Variants in CSMD1 observed in about 807,000 individuals in gnomAD.
CSMD1 encodes CUB and sushi domain-containing protein 1.
CSMD1 carries 213 observed loss-of-function variants against 417.5 expected under a neutral mutation model. The ratio of observed to expected loss-of-function variants is 0.51; its 90% CI spans 0.46 to 0.57. The LOEUF is 0.57. Among genes scored for constraint, CSMD1 ranks in the 20% least tolerant of loss-of-function variants. CSMD1 has a pLI of 0.00. For synonymous variants in CSMD1, 2,862 were observed against 1,736.8 expected (o/e 1.65, Z -16.11); for missense variants, 6,923 against 4,529.7 (o/e 1.53, Z -15.17).
chr8:3,850,064 G>C (rs1470507577), intron 5 of CSMD1, among the ~76,000 whole-genome samples: 3 of 152,150 alleles, frequency 2.0e-5, no homozygotes, highest in Non-Finnish European at 2.9e-5. Context: ...TCAAAGTGTT[G>C]GGATTACAGG....
Position 3,718,116 on chromosome 8 carries a change from G to A in CSMD1, c.932-9625C>T, listed in dbSNP as rs147509381. ...TTTTTATTAACATTTAAAATAATGC[G>A]CTATTGGATCATTCTTTGGGATAAA... On this transcript the variant is annotated intron_variant, in intron 6 of 69. Transcript: ENST00000635120. 2.3e-3 allele frequency among the ~76,000 whole-genome samples: 356 copies of A among 152,268 alleles called. 2 individuals are homozygous for A. Among genetic ancestry groups the A allele is most frequent in the African/African-American group, 7.9e-3 (330 of 41,552 alleles).
At chr8:4,073,806 T>C (rs976556280) in intron 3 of CSMD1, among the ~76,000 whole-genome samples, 4 of 152,144 alleles carry the variant, frequency 2.6e-5, no homozygotes, top group African/African-American at 4.8e-5. Context: ...ATTTACCTCA[T>C]TATTAATTGG....
Position 4,134,816 on chromosome 8 carries a change from T to A in CSMD1, c.416-102717A>T, listed in dbSNP as rs146771381. 1.6e-3 allele frequency among the ~76,000 whole-genome samples: 239 copies of A among 152,326 alleles called. 3 individuals are homozygous for A. The highest frequency in any genetic ancestry group is 5.6e-3 in the African/African-American group (231 of 41,584). On this transcript the variant is annotated intron_variant, in intron 3 of 69. Transcript: ENST00000635120. ...GAGTGATTTATTTTAACACAAATTT[T>A]GTCCTTGGCCTTGGCTGTTGAAAAT...
At chr8:4,905,341 A>G (rs1585300454) in intron 1 of CSMD1, among the ~76,000 whole-genome samples, 1 of 151,840 alleles carries the variant, frequency 6.6e-6, no homozygotes, top group Non-Finnish European at 1.5e-5. Context: ...AAAGGCTACC[A>G]TTTCTTCTCA....
intron 2 of CSMD1, among the ~76,000 whole-genome samples, chr8:4,484,612 C>T (rs571575279): frequency 6.6e-6 from 1 of 152,042 alleles, no homozygotes; most frequent in Admixed American, 6.6e-5. Context: ...CTGACGTGAC[C>T]TGCTCTATGA....
At chr8:3,385,025 A>AATATATAAATATATAATATATAAAT (rs201974137) in intron 18 of CSMD1, among the ~76,000 whole-genome samples, 2 of 113,038 alleles carry the variant, frequency 1.8e-5, no homozygotes, top group East Asian at 4.7e-4. Context: ...ATAATATATA[A>AATATATAAATATATAATATATAAAT]ATATAATATA....
At chr8:3,620,651 T>C (rs184449745) in intron 7 of CSMD1, among the ~76,000 whole-genome samples, 4 of 151,998 alleles carry the variant, frequency 2.6e-5, no homozygotes, top group African/African-American at 9.7e-5. Context: ...AAAGAAAGTA[T>C]CTATAGAATA....
At chr8:3,845,800 T>C (rs1013940392) in intron 5 of CSMD1, among the ~76,000 whole-genome samples, 1 of 152,194 alleles carries the variant, frequency 6.6e-6, no homozygotes, top group African/African-American at 2.4e-5. Context: ...TATTTCTTTA[T>C]ATTTTTATTC....
At chr8:4,548,094 C>T (rs1019808274) in intron 2 of CSMD1, among the ~76,000 whole-genome samples, 3 of 152,100 alleles carry the variant, frequency 2.0e-5, no homozygotes, top group Admixed American at 6.6e-5. Flanking sequence ...GGAATTACAG[C>T]TTGTTCTCAT....
rs544825076 is a variant in CSMD1 at position 3,487,263 on chromosome 8, G to A, written c.1448+6360C>T. Reference sequence around the variant, plus strand: ...GTCTCCCAGGCTGGAGTGCAGTGGCGCGATCTTGGCTCTCTGCAAGCTCCA... The same window carrying A: ...GTCTCCCAGGCTGGAGTGCAGTGGCACGATCTTGGCTCTCTGCAAGCTCCA... On this transcript the variant is annotated intron_variant, in intron 11 of 69. Coordinates refer to ENST00000635120, the MANE Select transcript of CSMD1 (RefSeq NM_033225.6). Among the ~76,000 whole-genome samples, 32 of 152,050 alleles carry A rather than the reference G, an allele frequency of 2.1e-4. No homozygotes were observed. The East Asian group carries it at 3.1e-3, about 15-fold the overall frequency.
At chr8:4,071,779 T>G (rs1027675714) in intron 3 of CSMD1, among the ~76,000 whole-genome samples, 4 of 152,206 alleles carry the variant, frequency 2.6e-5, no homozygotes, top group Admixed American at 2.0e-4. Context: ...TTTTTATTCC[T>G]TGGCAGGAAA....
chr8:4,192,330 G>C (rs1428651548), intron 3 of CSMD1, among the ~76,000 whole-genome samples: 1 of 152,176 alleles, frequency 6.6e-6, no homozygotes, highest in Non-Finnish European at 1.5e-5. Context: ...TCAAGCTTCA[G>C]GAGGAGCTAT....
chr8:4,269,570 C>T (rs1295263659), intron 3 of CSMD1, among the ~76,000 whole-genome samples: 1 of 152,110 alleles, frequency 6.6e-6, no homozygotes, highest in Non-Finnish European at 1.5e-5. Flanking sequence ...TCCTTTTTCT[C>T]CAATCTTTTG....
chr8:4,314,758 C>G (rs1798823719), intron 3 of CSMD1, among the ~76,000 whole-genome samples: 1 of 152,178 alleles, frequency 6.6e-6, no homozygotes, highest in Non-Finnish European at 1.5e-5. Context: ...TGACCCATGT[C>G]TTCTAATGAT....
intron 7 of CSMD1, among the ~76,000 whole-genome samples, chr8:3,619,503 T>C (rs1802313642): frequency 1.3e-5 from 2 of 152,080 alleles, no homozygotes; most frequent in South Asian, 4.1e-4. Context: ...TGCTAGACAA[T>C]GAATTTACAA....
intron 18 of CSMD1, among the ~76,000 whole-genome samples, chr8:3,371,991 A>T (rs975248425): frequency 2.0e-5 from 3 of 152,372 alleles, no homozygotes; most frequent in South Asian, 4.1e-4. Flanking sequence ...AATAAGAGAG[A>T]TAAAATATCT....
chr8:4,076,196 A>C (rs150153602), intron 3 of CSMD1, among the ~76,000 whole-genome samples: 65 of 152,270 alleles, frequency 4.3e-4, no homozygotes, highest in Middle Eastern at 6.8e-3. Context: ...GAGTTCTCAC[A>C]AGATCTAATG....
intron 10 of CSMD1, among the ~76,000 whole-genome samples, chr8:3,503,165 C>G (rs1436634525): frequency 6.6e-6 from 1 of 152,030 alleles, no homozygotes; most frequent in Non-Finnish European, 1.5e-5. Flanking sequence ...GAATTTCAAC[C>G]TAGAAAAAAG....
chr8:4,771,771 T>G (rs1010684988), intron 1 of CSMD1, among the ~76,000 whole-genome samples: 1 of 152,132 alleles, frequency 6.6e-6, no homozygotes, highest in Non-Finnish European at 1.5e-5. Context: ...ACAGCGCAAG[T>G]TGTTGACTTT....
Sources: allele counts gnomAD v4.1 joint callset (sites outside exome capture counted in the v4.1 genomes callset), GRCh38; gene constraint gnomAD v4.1.1; transcripts MANE v1.5; gene names NCBI Gene and HGNC (gene_info 2026-07-23, HGNC 2026-07-21).